The following SH3BGRL2 variants were observed in gnomAD, a reference collection of about 807,000 sequenced individuals.
SH3BGRL2 encodes SH3 domain binding glutamate rich protein like 2, also known as SH3 domain-binding glutamic acid-rich-like protein 2.
In SH3BGRL2, 21 loss-of-function variants were observed where a neutral mutation model predicts 14.8. The ratio of observed to expected loss-of-function variants is 1.42; its 90% confidence interval spans 1.01 to 2.05. SH3BGRL2 has a LOEUF of 2.05. Ranked by LOEUF, SH3BGRL2 falls within the 30% of genes most tolerant of loss-of-function variation. The pLI is 0.00. For missense variants in SH3BGRL2, 147 were observed against 130.8 expected, an observed-to-expected ratio of 1.12 and a Z score of -0.61; for synonymous variants, 50 against 47.8, an observed-to-expected ratio of 1.05 and a Z score of -0.19.
chr6:79,572,824 G>A, the SH3BGRL2 span, among the ~76,000 whole-genome samples: 2 of 152,268 alleles, frequency 1.3e-5, no homozygotes, highest in Admixed American at 1.3e-4. Flanking sequence ...GTGTGTTCAT[G>A]TTAATTGCTA....
chr6:79,657,612 A>AT (rs1333878648), intron 1 of SH3BGRL2, among the ~76,000 whole-genome samples: 11 of 151,538 alleles, frequency 7.3e-5, no homozygotes, highest in Non-Finnish European at 1.2e-4. Context: ...AGACTTGTTA[A>AT]TTTTTTTTAA....
chr6:79,579,178 G>T, the SH3BGRL2 span, among the ~76,000 whole-genome samples: 2 of 152,350 alleles, frequency 1.3e-5, no homozygotes, highest in Admixed American at 1.3e-4. Context: ...TTTGTTTGGT[G>T]TATCTGAAAG....
the SH3BGRL2 span, among the ~76,000 whole-genome samples, chr6:79,617,008 A>T: frequency 1.3e-5 from 2 of 152,096 alleles, no homozygotes; most frequent in Non-Finnish European, 2.9e-5. Context: ...CAGCATGGAG[A>T]AACCTCATCT....
chr6:79,656,077 C>G (rs1769408144), intron 1 of SH3BGRL2, among the ~76,000 whole-genome samples: 1 of 152,158 alleles, frequency 6.6e-6, no homozygotes, highest in African/African-American at 2.4e-5. Flanking sequence ...ATGAAATCAT[C>G]TAATTTAGGT....
chr6:79,640,271 G>A (rs778907280), intron 1 of SH3BGRL2, among the ~76,000 whole-genome samples: 2 of 152,136 alleles, frequency 1.3e-5, no homozygotes, highest in Non-Finnish European at 2.9e-5. Flanking sequence ...TGTCAGCACT[G>A]GCTAGTTTCA....
chr6:79,539,180 T>G, the SH3BGRL2 span, among the ~76,000 whole-genome samples: 1 of 152,156 alleles, frequency 6.6e-6, no homozygotes, highest in Non-Finnish European at 1.5e-5. Context: ...AAAAAATGTA[T>G]AAATTTACAG....
chr6:79,674,033 C>T (rs80214847), intron 2 of SH3BGRL2, among the ~76,000 whole-genome samples: 4,696 of 152,082 alleles, frequency 0.031, 105 homozygotes, highest in South Asian at 0.047. Context: ...GTGTGTCTGT[C>T]AATCTGAGCT....
chr6:79,701,440 G>A lies in SH3BGRL2; in HGVS notation c.*1931G>A, dbSNP rs1041698406. The A allele has an allele frequency of 1.4e-4, 22 of 152,064 alleles. No homozygotes were observed. Among genetic ancestry groups the A allele is most frequent in the African/African-American group, 4.3e-4 (18 of 41,402 alleles). The allele number at this position is 152,064 out of a possible 1,614,324, so 9.4% of individuals were successfully genotyped here. A position where few individuals can be genotyped will look rare whatever the true frequency, so the allele number is the denominator to read the frequency against. ...TGAGGCTTTGCAAGTTAACTGCTGG[G>A]GTTATAGGATCAATACCATACTTGC... is the stretch of plus-strand genomic sequence containing the variant. On this transcript the variant is annotated 3_prime_UTR_variant, in exon 4 of 4. Coordinates refer to ENST00000369838, the MANE Select transcript of SH3BGRL2 (RefSeq NM_031469.4).
rs1258098624 is a variant in SH3BGRL2 at position 79,702,526 on chromosome 6, G to A, written c.*3017G>A. On this transcript the variant is annotated 3_prime_UTR_variant, in exon 4 of 4. Transcript: ENST00000369838. ...AAAACACATATTCTGAAAATGGAGTGTTTGTTCCCTGCCATTTTTCACACC... is the reference window on the plus strand; with the variant it reads ...AAAACACATATTCTGAAAATGGAGTATTTGTTCCCTGCCATTTTTCACACC... 1 of 152,236 alleles carries A rather than the reference G, an allele frequency of 6.6e-6. No homozygotes were observed. The highest frequency in any genetic ancestry group is 1.5e-5 in the Non-Finnish European group (1 of 68,026). The allele number at this position is 152,236 out of a possible 1,614,324, so 9.4% of individuals were successfully genotyped here.
At chr6:79,665,329 A>T (rs1769636083) in intron 1 of SH3BGRL2, among the ~76,000 whole-genome samples, 1 of 152,242 alleles carries the variant, frequency 6.6e-6, no homozygotes, top group African/African-American at 2.4e-5. Flanking sequence ...ACATGCAATA[A>T]GATAGCTATG....
At chr6:79,626,808 C>T (rs1020221163), upstream of SH3BGRL2, among the ~76,000 whole-genome samples, 1 of 152,178 alleles carries the variant, frequency 6.6e-6, no homozygotes, top group Non-Finnish European at 1.5e-5. Flanking sequence ...CTTGGATCTT[C>T]CTCACCTCTC....
At chr6:79,547,965 A>G in the SH3BGRL2 span, among the ~76,000 whole-genome samples, 3 of 152,148 alleles carry the variant, frequency 2.0e-5, no homozygotes, top group African/African-American at 4.8e-5. Flanking sequence ...TCCTAGGCTC[A>G]AGCAGTCCTC....
the SH3BGRL2 span, among the ~76,000 whole-genome samples, chr6:79,555,815 T>C: frequency 1.2e-4 from 19 of 152,288 alleles, no homozygotes; most frequent in East Asian, 3.3e-3. Context: ...GCCCAAACTA[T>C]GTTTTTAAAA....
At chr6:79,582,846 G>A in the SH3BGRL2 span, among the ~76,000 whole-genome samples, 1 of 152,112 alleles carries the variant, frequency 6.6e-6, no homozygotes, top group East Asian at 1.9e-4. Context: ...GAGTGAACAG[G>A]CAACCTACAG....
the SH3BGRL2 span, among the ~76,000 whole-genome samples, chr6:79,572,368 C>G: frequency 6.6e-6 from 1 of 152,302 alleles, no homozygotes; most frequent in East Asian, 1.9e-4. Flanking sequence ...TTTCCCACTG[C>G]TCCAAATTCT....
chr6:79,684,186 C>T (rs1770048104), intron 2 of SH3BGRL2, among the ~76,000 whole-genome samples: 1 of 152,196 alleles, frequency 6.6e-6, no homozygotes, highest in Non-Finnish European at 1.5e-5. Flanking sequence ...TTTCTTACCT[C>T]ATATACCCAG....
At chr6:79,585,947 G>A in the SH3BGRL2 span, among the ~76,000 whole-genome samples, 3 of 152,018 alleles carry the variant, frequency 2.0e-5, no homozygotes, top group Admixed American at 1.3e-4. Flanking sequence ...TGTAATCCCA[G>A]CACTTTGGGA....
At chr6:79,646,763 G>A (rs1324577301) in intron 1 of SH3BGRL2, among the ~76,000 whole-genome samples, 3 of 152,078 alleles carry the variant, frequency 2.0e-5, no homozygotes, top group Non-Finnish European at 4.4e-5. Flanking sequence ...TGCCTCTTCT[G>A]GACATTTCAT....
the SH3BGRL2 span, chr6:79,553,219 C>T: frequency 6.6e-6 from 1 of 152,122 alleles, no homozygotes; most frequent in Admixed American, 6.5e-5. Context: ...TTGTACCTGC[C>T]AGTCCCAATG....
Sources: allele counts gnomAD v4.1 joint callset (sites outside exome capture counted in the v4.1 genomes callset), GRCh38; gene constraint gnomAD v4.1.1; transcripts MANE v1.5; gene names NCBI Gene and HGNC (gene_info 2026-07-23, HGNC 2026-07-21).